FARP1: variants seen among roughly 807,000 people sequenced by gnomAD.
FARP1 encodes FERM, ARH/RhoGEF and pleckstrin domain protein 1.
FARP1 carries 52 observed loss-of-function variants against 128.8 expected under a neutral mutation model. The ratio of observed to expected loss-of-function variants is 0.40; its 90% CI spans 0.32 to 0.51. The LOEUF (loss-of-function observed/expected upper bound fraction) is 0.51. Among genes scored for constraint, FARP1 ranks in the 20% least tolerant of loss-of-function variants. The pLI is 0.45. For missense variants in FARP1, 1,333 were observed against 1,367.9 expected (o/e 0.97, Z 0.40); for synonymous variants, 580 against 551.8 (o/e 1.05, Z -0.72).
Position 98,424,567 on chromosome 13 carries a change from C to T in FARP1, c.1827-5C>T, listed in dbSNP as rs774968925. 5 of 1,607,840 alleles carry T rather than the reference C, an allele frequency of 3.1e-6. No individual in the cohort carries two copies. The highest frequency in any genetic ancestry group is 4.3e-6 in the Non-Finnish European group (5 of 1,174,310). ...GTATTTCCAACCCTTTGCTTTTGCT[C>T]TCAGGGAAGGCCGCTCAAATGCCCA... On this transcript the variant is annotated splice_region_variant and splice_polypyrimidine_tract_variant and intron_variant, in intron 16 of 26. Coordinates refer to ENST00000319562, the MANE Select transcript of FARP1 (RefSeq NM_005766.4).
chr13:98,268,580 G>A (rs919115544), intron 2 of FARP1, among the ~76,000 whole-genome samples: 1 of 152,128 alleles, frequency 6.6e-6, no homozygotes, highest in Non-Finnish European at 1.5e-5. Flanking sequence ...TGATTCTCCT[G>A]CGTCAGCCTC....
rs143008086 is a variant in FARP1, at chr13:98,438,839, G to A, written c.2310G>A (p.Ser770=). Residue 770 remains serine, a synonymous_variant, in exon 20 of 27, where the codon TCG becomes TCA. Coordinates refer to ENST00000319562, the MANE Select transcript of FARP1 (RefSeq NM_005766.4). Reference sequence around the variant, plus strand: ...GTCTGGGCAGCCTCAGCAAGCTCTCGGGGAAGGGGCTCCAGCAGCGCATGT... The same window carrying A: ...GTCTGGGCAGCCTCAGCAAGCTCTCAGGGAAGGGGCTCCAGCAGCGCATGT... ...FIRLGSLSKL[S]GKGLQQRMFF... 1.7e-5 allele frequency: 27 copies of A among 1,613,280 alleles called. No individual in the cohort carries two copies. Among genetic ancestry groups the A allele is most frequent in the African/African-American group, 4.0e-5 (3 of 74,918 alleles).
rs142413558 is a variant in FARP1, at chr13:98,164,853, G to A, written c.-24+21361G>A. ...CCAGCACTTTGGGAGGCCGAGGCGG[G>A]TGGATCACTTGAGGTCAGGAGTTCG... is the stretch of plus-strand genomic sequence containing the variant. On this transcript the variant is annotated intron_variant, in intron 1 of 26. Transcript: ENST00000319562. Among the ~76,000 whole-genome samples the A allele has an allele frequency of 5.7e-3, 871 of 152,242 alleles. 8 individuals carry two copies. The highest frequency in any genetic ancestry group is 0.02 in the African/African-American group (837 of 41,542).
At chr13:98,369,532 C>A (rs2139980450) in intron 5 of FARP1, among the ~76,000 whole-genome samples, 2 of 151,364 alleles carry the variant, frequency 1.3e-5, no homozygotes, top group South Asian at 4.2e-4. Context: ...CACCCCACAA[C>A]AGTCCCCAGA....
intron 3 of FARP1, among the ~76,000 whole-genome samples, chr13:98,356,917 G>A (rs9513407): frequency 0.15 from 22,104 of 152,172 alleles, 2,073 homozygotes; most frequent in Non-Finnish European, 0.22. Context: ...TTAGGCATGA[G>A]CCACTGAGCC....
intron 2 of FARP1, among the ~76,000 whole-genome samples, chr13:98,306,675 C>T (rs1272894954): frequency 1.0e-4 from 7 of 66,786 alleles, no homozygotes; most frequent in Non-Finnish European, 1.6e-4. Flanking sequence ...CCACCACACC[C>T]GGCTAACTTT....
intron 2 of FARP1, among the ~76,000 whole-genome samples, chr13:98,219,224 A>G (rs1881273374): frequency 6.6e-6 from 1 of 152,190 alleles, no homozygotes; most frequent in Non-Finnish European, 1.5e-5. Flanking sequence ...TTGTCTTTTC[A>G]GAAAGCTCAG....
At chr13:98,275,341 G>GAGAC in intron 2 of FARP1, among the ~76,000 whole-genome samples, 1 of 70,236 alleles carries the variant, frequency 1.4e-5, no homozygotes, top group South Asian at 8.1e-4. Context: ...GGTAAGGAGA[G>GAGAC]AGAGAGAGAG....
chr13:98,162,224 CAG>C (rs1482381354), intron 1 of FARP1, among the ~76,000 whole-genome samples: 1 of 152,098 alleles, frequency 6.6e-6, no homozygotes, highest in East Asian at 1.9e-4. Flanking sequence ...TCTTAAGTGT[CAG>C]GGGAGACACC....
At chr13:98,240,846 A>C (rs1882726845) in intron 2 of FARP1, among the ~76,000 whole-genome samples, 1 of 152,248 alleles carries the variant, frequency 6.6e-6, no homozygotes, top group Non-Finnish European at 1.5e-5. Context: ...GGGGAAGGAC[A>C]GAACCAAGAG....
At chr13:98,364,030 G>A (rs1327181341) in intron 3 of FARP1, among the ~76,000 whole-genome samples, 2 of 152,182 alleles carry the variant, frequency 1.3e-5, no homozygotes, top group East Asian at 1.9e-4. Flanking sequence ...GTCAGCCACC[G>A]CACCTGGCCT....
At chr13:98,241,764 C>G (rs146319689) in intron 2 of FARP1, among the ~76,000 whole-genome samples, 73 of 152,162 alleles carry the variant, frequency 4.8e-4, no homozygotes, top group African/African-American at 1.7e-3. Context: ...ACTAAAAATA[C>G]AAAAATTAGC....
chr13:98,320,370 C>A (rs1886936422), intron 2 of FARP1, among the ~76,000 whole-genome samples: 1 of 152,148 alleles, frequency 6.6e-6, no homozygotes, highest in South Asian at 2.1e-4. Context: ...ATAGTTTTAC[C>A]CAGTTTGCCC....
rs9584820 is a variant in FARP1, at chr13:98,369,562, G to A, written c.398+1367G>A. Among the ~76,000 whole-genome samples, 1,042 of 151,192 alleles carry A rather than the reference G, an allele frequency of 6.9e-3. 15 individuals are homozygous for A. Among genetic ancestry groups the A allele is most frequent in the African/African-American group, 0.024 (984 of 41,066 alleles). On this transcript the variant is annotated intron_variant, in intron 5 of 26. Coordinates refer to ENST00000319562, the MANE Select transcript of FARP1 (RefSeq NM_005766.4). The stretch of plus-strand genomic sequence containing the variant: ...CCCAGAGTGTGATGTTCCCCTTCCT[G>A]TGTCCATGTGTTCTCATTGTTCAGT...
chr13:98,401,584 A>G (rs963265288), intron 13 of FARP1: 2 of 151,954 alleles, frequency 1.3e-5, no homozygotes, highest in Non-Finnish European at 2.9e-5. Context: ...TTCCCCATGA[A>G]CAGAAGTGGT....
At chr13:98,448,168 G>C (rs868389988) in intron 26 of FARP1, 68 bp from the exon 27 acceptor site, 1 of 1,330,228 alleles carries the variant, frequency 7.5e-7, no homozygotes, top group Non-Finnish European at 1.1e-6. Context: ...TTCTGTAAGC[G>C]ATGCCCACCA....
At chr13:98,415,534 G>A (rs1157705606) in intron 16 of FARP1, among the ~76,000 whole-genome samples, 1 of 152,236 alleles carries the variant, frequency 6.6e-6, no homozygotes, top group Non-Finnish European at 1.5e-5. Flanking sequence ...GAGGAGGCAG[G>A]CACATAGGGC....
intron 1 of FARP1, among the ~76,000 whole-genome samples, chr13:98,146,574 C>T (rs1444015979): frequency 6.6e-6 from 1 of 152,176 alleles, no homozygotes. Flanking sequence ...TTTAAAGAAG[C>T]CCTTTGTAAC....
At chr13:98,269,349 A>C (rs1424072837) in intron 2 of FARP1, among the ~76,000 whole-genome samples, 1 of 152,238 alleles carries the variant, frequency 6.6e-6, no homozygotes, top group Non-Finnish European at 1.5e-5. Context: ...CAAAATCTTC[A>C]TGGATTCTTT....
Sources: gnomAD v4.1 joint callset for allele counts (sites outside exome capture counted in the v4.1 genomes callset) on GRCh38, gnomAD v4.1.1 for gene constraint, MANE v1.5 for transcripts, NCBI Gene and HGNC (gene_info 2026-07-23, HGNC 2026-07-21) for gene names.